RRAS2: variants seen among roughly 807,000 people sequenced by gnomAD.
RRAS2 encodes ras-related protein R-Ras2.
A neutral mutation model predicts 27.6 loss-of-function variants in RRAS2; 7 were observed. The ratio of observed to expected loss-of-function variants is 0.25; its 90% CI spans 0.14 to 0.48. RRAS2 has a LOEUF of 0.48. Among genes scored for constraint, RRAS2 ranks in the 20% least tolerant of loss-of-function variants. The pLI is 0.99. For synonymous variants in RRAS2, 86 were observed against 90.9 expected (o/e 0.95, Z 0.31); for missense variants, 178 against 256.2 (o/e 0.69, Z 2.08).
At chr11:14,344,793 G>A (rs139526024) in intron 1 of RRAS2, among the ~76,000 whole-genome samples, 3 of 152,170 alleles carry the variant, frequency 2.0e-5, no homozygotes, top group South Asian at 2.1e-4. Flanking sequence ...GGCTAAAACC[G>A]AATGCTACGG....
intron 4 of RRAS2, among the ~76,000 whole-genome samples, chr11:14,292,215 C>T (rs1256366692): frequency 2.0e-5 from 3 of 151,982 alleles, no homozygotes; most frequent in Admixed American, 2.0e-4. Context: ...AATGGCAGAG[C>T]CTCTTTGGGG....
chr11:14,344,683 T>TA (rs1204825161), intron 1 of RRAS2, among the ~76,000 whole-genome samples: 1 of 152,198 alleles, frequency 6.6e-6, no homozygotes, highest in Non-Finnish European at 1.5e-5. Flanking sequence ...AAACAAAAGT[T>TA]ACAACTTTTA....
chr11:14,354,734 T>C (rs565430562), intron 1 of RRAS2, among the ~76,000 whole-genome samples: 1 of 139,274 alleles, frequency 7.2e-6, no homozygotes, highest in African/African-American at 2.6e-5. Context: ...TGGAGTGCAG[T>C]GGCGCAACCT....
chr11:14,296,572 T>A (rs2133964473), intron 1 of RRAS2, among the ~76,000 whole-genome samples: 1 of 152,310 alleles, frequency 6.6e-6, no homozygotes, highest in South Asian at 2.1e-4. Flanking sequence ...AGAAGTCAAG[T>A]ATCTGGAAAA....
chr11:14,313,427 C>A (rs1554949114), intron 1 of RRAS2, among the ~76,000 whole-genome samples: 1 of 152,206 alleles, frequency 6.6e-6, no homozygotes, highest in East Asian at 1.9e-4. Context: ...TGCTTATTTG[C>A]AAATGCAGGA....
At chr11:14,303,549 C>T (rs989578518) in intron 1 of RRAS2, among the ~76,000 whole-genome samples, 3 of 152,102 alleles carry the variant, frequency 2.0e-5, no homozygotes, top group South Asian at 2.1e-4. Context: ...CCGGCCTCAG[C>T]GACAGAGAGA....
chr11:14,290,609 T>C (rs531328788), intron 4 of RRAS2, among the ~76,000 whole-genome samples: 1 of 152,274 alleles, frequency 6.6e-6, no homozygotes, highest in African/African-American at 2.4e-5. Flanking sequence ...GACAAAGTAG[T>C]ACCAACAAAG....
chr11:14,352,907 C>T (rs1383724038), intron 1 of RRAS2, among the ~76,000 whole-genome samples: 3 of 151,804 alleles, frequency 2.0e-5, no homozygotes, highest in Non-Finnish European at 2.9e-5. Context: ...AGCAGTTCTC[C>T]TGCCTCAGCT....
intron 1 of RRAS2, among the ~76,000 whole-genome samples, chr11:14,349,683 A>C (rs1334412812): frequency 2.6e-5 from 4 of 152,172 alleles, no homozygotes; most frequent in African/African-American, 9.7e-5. Context: ...CAACAACAAA[A>C]ACCAAAAATT....
chr11:14,341,665 A>G, intron 1 of RRAS2: 1 of 236,698 alleles, frequency 4.2e-6, no homozygotes, highest in Middle Eastern at 5.1e-4. Context: ...GTCTCGTCAA[A>G]CAAGTCATGA....
chr11:14,344,809 C>A (rs1285185175), intron 1 of RRAS2, among the ~76,000 whole-genome samples: 1 of 152,142 alleles, frequency 6.6e-6, no homozygotes, highest in Non-Finnish European at 1.5e-5. Flanking sequence ...TACGGATCAA[C>A]TTCTAAAACT....
At position 14,335,442 on chromosome 11, in the gene RRAS2, A is replaced by G. The variant is rs1179890924; in HGVS notation, c.108+23321T>C. ...ACAGGTTCAGAACTGAACTCATCATAAATTAAGATGAATGACAAAATGACT... is the reference window on the plus strand; with the variant it reads ...ACAGGTTCAGAACTGAACTCATCATGAATTAAGATGAATGACAAAATGACT... On this transcript the variant is annotated intron_variant, in intron 1 of 5. Coordinates refer to ENST00000256196, the MANE Select transcript of RRAS2 (RefSeq NM_012250.6). 2.0e-5 allele frequency among the ~76,000 whole-genome samples: 3 copies of G among 152,216 alleles called. No individual in the cohort carries two copies. The East Asian group carries it at 5.8e-4, about 29-fold the overall frequency.
chr11:14,324,791 A>C (rs1177535128), intron 1 of RRAS2, among the ~76,000 whole-genome samples: 1 of 152,238 alleles, frequency 6.6e-6, no homozygotes, highest in Non-Finnish European at 1.5e-5. Context: ...AAATGACACA[A>C]GAATAGGCAA....
chr11:14,350,410 G>A (rs1554954603), intron 1 of RRAS2, among the ~76,000 whole-genome samples: 1 of 151,934 alleles, frequency 6.6e-6, no homozygotes, highest in Non-Finnish European at 1.5e-5. Flanking sequence ...CTCCCCCACT[G>A]GCTTGCTTCC....
chr11:14,289,015 C>T (rs1554945447), intron 4 of RRAS2, among the ~76,000 whole-genome samples: 1 of 152,174 alleles, frequency 6.6e-6, no homozygotes, highest in Non-Finnish European at 1.5e-5. Flanking sequence ...ATTGACCTGT[C>T]AAAACCGAGA....
intron 1 of RRAS2, among the ~76,000 whole-genome samples, chr11:14,353,088 C>G (rs542858016): frequency 6.6e-6 from 1 of 152,088 alleles, no homozygotes; most frequent in African/African-American, 2.4e-5. Flanking sequence ...CATGAGCCAC[C>G]GTGCCCAGCT....
rs1393946740 is a variant in RRAS2 at position 14,279,130 on chromosome 11, T to C, written c.*207A>G. The C allele has an allele frequency of 1.7e-5, 9 of 522,856 alleles. No homozygotes were observed. Among genetic ancestry groups the C allele is most frequent in the Admixed American group, 3.2e-5 (1 of 30,826 alleles). 32.4% of individuals were successfully genotyped at this position (522,856 alleles called of 1,614,324 possible). ...ATATTTTAAAGGAATCAGATAATCT[T>C]TGAAGCAGCCTTAGTGTTTCCTTTA... is the stretch of plus-strand genomic sequence containing the variant. On this transcript the variant is annotated 3_prime_UTR_variant, in exon 6 of 6. Transcript: ENST00000256196.
At chr11:14,309,532 G>C (rs571589122) in intron 1 of RRAS2, among the ~76,000 whole-genome samples, 1 of 152,364 alleles carries the variant, frequency 6.6e-6, no homozygotes, top group African/African-American at 2.4e-5. Context: ...GGCAACAGCA[G>C]GAGTTGGAGG....
chr11:14,284,053 C>G (rs1849606442), intron 4 of RRAS2, among the ~76,000 whole-genome samples: 1 of 152,042 alleles, frequency 6.6e-6, no homozygotes, highest in South Asian at 2.1e-4. Flanking sequence ...TCTTCATTCT[C>G]TTATTATTTC....
Sources: gnomAD v4.1 joint callset for allele counts (sites outside exome capture counted in the v4.1 genomes callset) on GRCh38, gnomAD v4.1.1 for gene constraint, MANE v1.5 for transcripts, NCBI Gene and HGNC (gene_info 2026-07-23, HGNC 2026-07-21) for gene names.